ANKFN1: variants seen among roughly 807,000 people sequenced by gnomAD.
ANKFN1 encodes ankyrin repeat and fibronectin type-III domain-containing protein 1.
ANKFN1 carries 74 observed loss-of-function variants against 108.7 expected under a neutral mutation model. That is an observed-to-expected ratio of 0.68 (90% CI 0.56 to 0.83). ANKFN1 has a LOEUF of 0.83. Among genes scored for constraint, ANKFN1 ranks in the 40% least tolerant of loss-of-function variants. ANKFN1 has a pLI of 0.00. For synonymous variants in ANKFN1, 547 were observed against 516.2 expected (o/e 1.06, Z -0.81); for missense variants, 1,505 against 1,382.3 (o/e 1.09, Z -1.41).
chr17:56,150,499 A>G (rs78743350), upstream of ANKFN1, among the ~76,000 whole-genome samples: 1,664 of 152,222 alleles, frequency 0.011, 34 homozygotes, highest in African/African-American at 0.037. Context: ...CTCTGTAGGC[A>G]TTTAACTTTG....
intron 1 of ANKFN1, among the ~76,000 whole-genome samples, chr17:56,189,170 C>CTTTTTTTTTTTTTTTTTTTTTTTTTT (rs532063852): frequency 3.5e-5 from 3 of 85,264 alleles, no homozygotes; most frequent in African/African-American, 2.0e-4. Context: ...GTTGCCCTGA[C>CTTTTTTTTTTTTTTTTTTTTTTTTTT]TTTTTTTTTT....
intron 1 of ANKFN1, among the ~76,000 whole-genome samples, chr17:56,156,096 T>C (rs759132436): frequency 1.5e-4 from 23 of 149,632 alleles, no homozygotes; most frequent in African/African-American, 4.2e-4. Flanking sequence ...TTTTTTTTCC[T>C]TGAGATAGAG....
chr17:56,159,300 T>C (rs1909422963), intron 1 of ANKFN1, among the ~76,000 whole-genome samples: 1 of 152,248 alleles, frequency 6.6e-6, no homozygotes, highest in Admixed American at 6.5e-5. Context: ...GCTACAGTGC[T>C]GCCCTTATGA....
intron 3 of ANKFN1, among the ~76,000 whole-genome samples, chr17:56,303,520 A>C (rs79037777): frequency 0.11 from 16,790 of 152,162 alleles, 986 homozygotes; most frequent in African/African-American, 0.16. Flanking sequence ...ATGCCAAGGA[A>C]CCACTAATGG....
chr17:56,412,402 G>C (rs2048118206), intron 8 of ANKFN1, among the ~76,000 whole-genome samples: 1 of 152,178 alleles, frequency 6.6e-6, no homozygotes, highest in African/African-American at 2.4e-5. Context: ...AAGGATGAAA[G>C]TATTGTTCCT....
intron 8 of ANKFN1, among the ~76,000 whole-genome samples, chr17:56,379,566 G>A (rs8077879): frequency 0.96 from 146,864 of 152,292 alleles, 70,877 homozygotes; most frequent in East Asian, 1. Flanking sequence ...CAAATATTAT[G>A]TTGTTTTTCT....
chr17:56,179,348 T>C (rs1241499531), intron 1 of ANKFN1, among the ~76,000 whole-genome samples: 1 of 152,148 alleles, frequency 6.6e-6, no homozygotes, highest in Non-Finnish European at 1.5e-5. Flanking sequence ...CCAGGAGAAA[T>C]AGGCCAGGCT....
At chr17:56,278,012 G>C (rs2043978165) in intron 3 of ANKFN1, among the ~76,000 whole-genome samples, 1 of 152,178 alleles carries the variant, frequency 6.6e-6, no homozygotes, top group South Asian at 2.1e-4. Flanking sequence ...AAAAACCCTT[G>C]CTTCCTTAGG....
At position 56,297,174 on chromosome 17, in the gene ANKFN1, T is replaced by C. The variant is rs375472371; in HGVS notation, c.54-29047T>C. On this transcript the variant is annotated intron_variant, in intron 3 of 20. Coordinates refer to ENST00000682825, the MANE Select transcript of ANKFN1 (RefSeq NM_001370326.1). The stretch of plus-strand genomic sequence containing the variant: ...TAAGGGTGGAGGTTGCTTCGGATCA[T>C]TGGCCTCTGAAGCTCTGTGGTGGCT... Among the ~76,000 whole-genome samples the C allele has an allele frequency of 4.6e-5, 7 of 152,324 alleles. No individual in the cohort carries two copies. In the East Asian group the frequency reaches 1.2e-3, roughly 25 times the overall value.
intron 3 of ANKFN1, among the ~76,000 whole-genome samples, chr17:56,294,280 A>C (rs925397669): frequency 2.0e-4 from 30 of 152,298 alleles, no homozygotes. Context: ...AAGAGAATGC[A>C]TGATTGCCCC....
At chr17:56,133,073 C>T (rs991595841) in intron 4 of ANKFN1, among the ~76,000 whole-genome samples, 3 of 152,136 alleles carry the variant, frequency 2.0e-5, no homozygotes, top group African/African-American at 7.2e-5. Context: ...TAAAAAATAA[C>T]CATTCAGGCT....
chr17:56,089,210 CCTTT>C (rs1462792891), intron 4 of ANKFN1, among the ~76,000 whole-genome samples: 2 of 151,310 alleles, frequency 1.3e-5, no homozygotes, highest in East Asian at 3.9e-4. Context: ...ATTGTGAATA[CCTTT>C]CTGTCTTTGT....
intron 4 of ANKFN1, among the ~76,000 whole-genome samples, chr17:56,052,752 G>A (rs1269296135): frequency 2.0e-5 from 3 of 152,096 alleles, no homozygotes; most frequent in Non-Finnish European, 4.4e-5. Flanking sequence ...TATGTGGTGT[G>A]CACTATTATT....
chr17:56,367,591 C>G (rs544340268), intron 6 of ANKFN1, among the ~76,000 whole-genome samples: 35 of 152,254 alleles, frequency 2.3e-4, no homozygotes, highest in African/African-American at 7.2e-4. Context: ...TGGTCTTGCC[C>G]CTGCTGGACT....
chr17:56,462,948 C>T (rs2049958940), intron 14 of ANKFN1, among the ~76,000 whole-genome samples: 1 of 152,176 alleles, frequency 6.6e-6, no homozygotes, highest in Non-Finnish European at 1.5e-5. Context: ...TGATCTTTCT[C>T]CCCCTCATCT....
At chr17:56,324,469 GTGTAACTCATGACCCC>G (rs1190341497) in intron 3 of ANKFN1, among the ~76,000 whole-genome samples, 1 of 152,094 alleles carries the variant, frequency 6.6e-6, no homozygotes, top group Non-Finnish European at 1.5e-5. Context: ...TGCATGGCAC[GTGTAACTCATGACCCC>G]TGTGAGGCAA....
intron 4 of ANKFN1, among the ~76,000 whole-genome samples, chr17:56,101,751 A>AC (rs1332388279): frequency 1.5e-4 from 23 of 152,302 alleles, no homozygotes; most frequent in Admixed American, 2.0e-4. Context: ...GAGATGCAAA[A>AC]ATAAAACTGA....
At position 56,505,992 on chromosome 17, in the gene ANKFN1, A is replaced by C. The variant is rs527871413; in HGVS notation, c.2645-4481A>C. Among the ~76,000 whole-genome samples the C allele has an allele frequency of 2.5e-3, 387 of 152,286 alleles. 2 individuals carry two copies. The highest frequency in any genetic ancestry group is 8.7e-3 in the African/African-American group (360 of 41,566). On this transcript the variant is annotated intron_variant, in intron 20 of 20. Transcript: ENST00000682825. Reference sequence around the variant, plus strand: ...TACTATCAGTCTTCTACTGGCCCCCAAAAACTATGTCCATGTCTGAACCCT... The same window carrying C: ...TACTATCAGTCTTCTACTGGCCCCCCAAAACTATGTCCATGTCTGAACCCT...
chr17:56,096,814 T>G (rs1259467508), intron 4 of ANKFN1, among the ~76,000 whole-genome samples: 1 of 152,212 alleles, frequency 6.6e-6, no homozygotes, highest in Non-Finnish European at 1.5e-5. Context: ...CATGCATATG[T>G]GTGTTTATTG....
Sources: allele counts gnomAD v4.1 joint callset (sites outside exome capture counted in the v4.1 genomes callset), GRCh38; gene constraint gnomAD v4.1.1; transcripts MANE v1.5; gene names NCBI Gene and HGNC (gene_info 2026-07-23, HGNC 2026-07-21).